ZNF462: variants seen among roughly 807,000 people sequenced by gnomAD.
ZNF462 encodes zinc finger PBX1-interacting protein.
In ZNF462, 10 loss-of-function variants were observed where a neutral mutation model predicts 201.9. The observed-to-expected ratio is 0.05, with a 90% CI of 0.03 to 0.08. The LOEUF (loss-of-function observed/expected upper bound fraction) is 0.08, where lower values mean the gene tolerates loss of function less well. Ranked by LOEUF, ZNF462 falls within the 10% of genes least tolerant of loss-of-function variation. ZNF462 has a pLI of 1.00. For missense variants in ZNF462, 2,523 were observed against 3,168.3 expected, an observed-to-expected ratio of 0.80 and a Z score of 4.89; for synonymous variants, 1,227 against 1,193.3, an observed-to-expected ratio of 1.03 and a Z score of -0.58.
rs142625615 is a variant in ZNF462, at chr9:106,913,860, C to T, written c.-30-9494C>T. Among the ~76,000 whole-genome samples, 117 of 150,532 alleles carry T rather than the reference C, an allele frequency of 7.8e-4. 4 individuals carry two copies. Among genetic ancestry groups the T allele is most frequent in the African/African-American group, 2.7e-3 (111 of 41,396 alleles). ...CAAGTGATCTGCCCGCCTCAGCCTC[C>T]CAAAGTGCTAGGATTACAGGCATGA... On this transcript the variant is annotated intron_variant, in intron 1 of 12. Transcript: ENST00000277225. The surrounding 1 kb of genome is among the most constrained non-coding windows in gnomAD (Gnocchi z 4.1).
intron 4 of ZNF462, among the ~76,000 whole-genome samples, chr9:106,931,546 C>CT (rs1414311831): frequency 6.6e-6 from 1 of 152,180 alleles, no homozygotes; most frequent in Non-Finnish European, 1.5e-5. Flanking sequence ...AGCTTTCTGT[C>CT]TTTTGGCAGA....
At chr9:106,908,886 G>A (rs967214903) in intron 1 of ZNF462, among the ~76,000 whole-genome samples, 225 of 112,906 alleles carry the variant, frequency 2.0e-3, no homozygotes, top group African/African-American at 7.2e-3. Flanking sequence ...TGCTGTGAAA[G>A]TTGAGAATAT....
intron 1 of ZNF462, among the ~76,000 whole-genome samples, chr9:106,873,104 A>G (rs545403913): frequency 6.6e-6 from 1 of 152,264 alleles, no homozygotes; most frequent in South Asian, 2.1e-4. Flanking sequence ...CTAATAGCTT[A>G]TGTTCTTGAT....
intron 1 of ZNF462, among the ~76,000 whole-genome samples, chr9:106,912,359 C>G (rs1004201203): frequency 1.3e-5 from 2 of 152,196 alleles, no homozygotes; most frequent in Non-Finnish European, 2.9e-5. Flanking sequence ...AGTATAAACA[C>G]ACTGCTTGCA....
At chr9:106,916,106 C>A (rs1829761191) in intron 1 of ZNF462, among the ~76,000 whole-genome samples, 1 of 152,192 alleles carries the variant, frequency 6.6e-6, no homozygotes, top group Non-Finnish European at 1.5e-5. Context: ...CTCACACACT[C>A]CGCAAGCCAC....
intron 9 of ZNF462, chr9:106,976,586 T>A (rs2132116291): frequency 6.6e-6 from 1 of 152,344 alleles, no homozygotes; most frequent in African/African-American, 2.4e-5. Context: ...TCACTGGTTA[T>A]TTGTGGTCTC....
At chr9:106,990,778 T>TTTC (rs953234553) in intron 10 of ZNF462, among the ~76,000 whole-genome samples, 1 of 152,036 alleles carries the variant, frequency 6.6e-6, no homozygotes, top group African/African-American at 2.4e-5. Context: ...CAGTACTTTT[T>TTTC]TTCTCATTTT....
At chr9:106,994,342 G>C (rs1183940203) in intron 10 of ZNF462, among the ~76,000 whole-genome samples, 1 of 151,954 alleles carries the variant, frequency 6.6e-6, no homozygotes, top group Non-Finnish European at 1.5e-5. Context: ...TGAGTTTTTT[G>C]GACTAGTGAA....
chr9:106,925,031 T>G lies in ZNF462; in HGVS notation c.1119T>G (p.Ser373=). The G allele has an allele frequency of 6.2e-7, 1 of 1,614,208 alleles. No individual in the cohort carries two copies. Residue 373 remains serine (S), a synonymous_variant, in exon 3 of 13, where the codon TCT becomes TCG. Coordinates refer to ENST00000277225, the MANE Select transcript of ZNF462 (RefSeq NM_021224.6). The surrounding 1 kb of genome is among the most constrained non-coding windows in gnomAD (Gnocchi z 7.9). ...SRYGMTDMTN[S]SADLETNSML... The stretch of plus-strand genomic sequence containing the variant: ...ATGGAATGACTGACATGACCAATTC[T>G]TCTGCTGACCTGGAAACTAACAGCA...
Position 106,927,517 on chromosome 9 carries a change from A to T in ZNF462, c.3605A>T (p.Asn1202Ile). 6.2e-7 allele frequency: 1 copy of T among 1,613,934 alleles called. No homozygotes were observed. The highest frequency in any genetic ancestry group is 8.5e-7 in the Non-Finnish European group (1 of 1,180,010). The change falls in exon 3 of 13, where the codon AAC becomes ATC. Residue 1202 changes from asparagine (N) to isoleucine (I), a missense_variant. Physicochemically the swap from Asn to Ile is moderately radical, Grantham distance 149 (BLOSUM62 -3). This residue lies in a region of ZNF462 where 222 missense variants were observed against 271.6 expected (regional missense o/e 0.82). Coordinates refer to ENST00000277225, the MANE Select transcript of ZNF462 (RefSeq NM_021224.6). ...TTTTGCCAGCACTGTGATTATGGGA[A>T]CCGGACGGTCAAAGGGGTACTCATT... Reference protein sequence around the residue: ...MFFCQHCDYGNRTVKGVLIHY... With the variant: ...MFFCQHCDYGIRTVKGVLIHY...
At position 106,905,191 on chromosome 9, in the gene ZNF462, T is replaced by C. The variant is rs1013150911; in HGVS notation, c.-30-18163T>C. On this transcript the variant is annotated intron_variant, in intron 1 of 12. Transcript: ENST00000277225. The surrounding 1 kb of genome is among the most constrained non-coding windows in gnomAD (Gnocchi z 5.9). ...GAGCCAAACTTCAGTGATTGTTATC[T>C]CTCTTCTGGGTCTAGCTACCCAGCG... Among the ~76,000 whole-genome samples, 1 of 152,182 alleles carries C rather than the reference T, an allele frequency of 6.6e-6. No individual in the cohort carries two copies. The highest frequency in any genetic ancestry group is 2.4e-5 in the African/African-American group (1 of 41,440).
intron 1 of ZNF462, among the ~76,000 whole-genome samples, chr9:106,898,999 T>C (rs1828933297): frequency 6.6e-6 from 1 of 152,174 alleles, no homozygotes; most frequent in South Asian, 2.1e-4. Flanking sequence ...TTTATGTTCC[T>C]TATCCAGATT....
Position 106,935,305 on chromosome 9 carries a change from C to G in ZNF462, c.6117-198C>G, listed in dbSNP as rs560806786. Among the ~76,000 whole-genome samples the G allele has an allele frequency of 6.6e-6, 1 of 152,262 alleles. No homozygotes were observed. The highest frequency in any genetic ancestry group is 1.9e-4 in the East Asian group (1 of 5,194). Reference sequence around the variant, plus strand: ...TCCAAAAAAAACTCTTGATCTCTTCCTTTAGCTTCCTGTCCTCTTAGAGTA... The same window carrying G: ...TCCAAAAAAAACTCTTGATCTCTTCGTTTAGCTTCCTGTCCTCTTAGAGTA... On this transcript the variant is annotated intron_variant, in intron 5 of 12. Transcript: ENST00000277225. This position sits in a 1 kb window ranked among gnomAD's most constrained non-coding sequence, Gnocchi z 4.1.
intron 7 of ZNF462, among the ~76,000 whole-genome samples, chr9:106,949,546 T>C (rs1311081499): frequency 1.3e-5 from 2 of 152,198 alleles, no homozygotes; most frequent in Admixed American, 1.3e-4. Flanking sequence ...ACCATAGCCC[T>C]TTCAACTTTC....
At chr9:106,909,229 C>G (rs956503309) in intron 1 of ZNF462, among the ~76,000 whole-genome samples, 1 of 140,980 alleles carries the variant, frequency 7.1e-6, no homozygotes, top group Admixed American at 6.8e-5. Context: ...TCCCAGAGTG[C>G]TGGGATTACA....
chr9:106,861,309 G>A (rs887153788), upstream of ZNF462, among the ~76,000 whole-genome samples: 5 of 151,950 alleles, frequency 3.3e-5, no homozygotes, highest in Admixed American at 6.5e-5. Flanking sequence ...AACCAACTCC[G>A]CGCGCGTCTC....
intron 1 of ZNF462, among the ~76,000 whole-genome samples, chr9:106,867,584 A>C (rs561176641): frequency 1.4e-4 from 22 of 152,258 alleles, no homozygotes; most frequent in African/African-American, 2.2e-4. Context: ...GAAAAAAAAA[A>C]AAACAAACTT....
At chr9:106,877,386 A>G (rs1827881591) in intron 1 of ZNF462, among the ~76,000 whole-genome samples, 1 of 131,508 alleles carries the variant, frequency 7.6e-6, no homozygotes, top group Admixed American at 8.7e-5. Flanking sequence ...TATTATTATT[A>G]TCATTATTAT....
At chr9:106,986,384 T>C (rs1162278770) in intron 10 of ZNF462, among the ~76,000 whole-genome samples, 1 of 152,226 alleles carries the variant, frequency 6.6e-6, no homozygotes, top group Admixed American at 6.5e-5. Flanking sequence ...GGGTCTGTTT[T>C]CCAGTTCGTA....
Sources: gnomAD v4.1 joint callset for allele counts (sites outside exome capture counted in the v4.1 genomes callset) on GRCh38, gnomAD v4.1.1 for gene constraint, gnomAD v4.1.1 regional missense constraint, Gnocchi (gnomAD v3.1) non-coding constraint, MANE v1.5 for transcripts, NCBI Gene and HGNC (gene_info 2026-07-23, HGNC 2026-07-21) for gene names.